The following PHACTR3 variants were observed in gnomAD, a reference collection of about 807,000 sequenced individuals.
PHACTR3 encodes the protein phosphatase and actin regulator 3, also known as protein phosphatase 1, regulatory subunit 123.
Under a neutral mutation model 66.8 loss-of-function variants are expected in PHACTR3, and 16 were observed. The observed-to-expected ratio is 0.24, with a 90% CI of 0.16 to 0.36. PHACTR3 has a LOEUF of 0.36. PHACTR3 is among the 10% of genes least tolerant of loss of function. The pLI is 1.00. For missense variants in PHACTR3, 647 were observed against 719.9 expected (o/e 0.90, Z 1.16); for synonymous variants, 323 against 292.1 (o/e 1.11, Z -1.08).
intron 1 of PHACTR3, among the ~76,000 whole-genome samples, chr20:59,621,853 T>A (rs2034251791): frequency 6.6e-6 from 1 of 152,178 alleles, no homozygotes; most frequent in African/African-American, 2.4e-5. Flanking sequence ...AATTTGTCTT[T>A]CCTCTTCCCT....
chr20:59,768,291 G>A (rs557127828), intron 5 of PHACTR3, among the ~76,000 whole-genome samples: 1 of 152,364 alleles, frequency 6.6e-6, no homozygotes, highest in East Asian at 1.9e-4. Flanking sequence ...AGCCTTGCGT[G>A]CTGTCTTTGA....
At chr20:59,633,859 A>G (rs1483221760) in intron 1 of PHACTR3, among the ~76,000 whole-genome samples, 1 of 152,208 alleles carries the variant, frequency 6.6e-6, no homozygotes, top group Non-Finnish European at 1.5e-5. Context: ...TTAATGGATA[A>G]CACAATTAAT....
In PHACTR3 at chr20:59,687,663, T is replaced by C. The variant is rs151118739; in HGVS notation, c.119-55444T>C. Among the ~76,000 whole-genome samples, 353 of 152,292 alleles carry C rather than the reference T, an allele frequency of 2.3e-3. 2 individuals carry two copies. The highest frequency in any genetic ancestry group is 8.1e-3 in the African/African-American group (336 of 41,552). ...TAAAAATTTTCAATCTGTTGCAAAC[T>C]GATAATTTCATTAATGTGTAGAGAA... On this transcript the variant is annotated intron_variant, in intron 1 of 12. Transcript: ENST00000371015.
intron 1 of PHACTR3, among the ~76,000 whole-genome samples, chr20:59,614,017 C>T (rs112174915): frequency 5.3e-4 from 81 of 152,208 alleles, no homozygotes; most frequent in African/African-American, 1.6e-3. Context: ...TCCTCTAAAC[C>T]CTTGAGGTAG....
At chr20:59,798,026 T>C (rs987943419) in intron 7 of PHACTR3, among the ~76,000 whole-genome samples, 3 of 152,212 alleles carry the variant, frequency 2.0e-5, no homozygotes, top group Admixed American at 2.0e-4. Flanking sequence ...TTATTCATGC[T>C]GCTATAACAA....
chr20:59,769,920 C>G (rs958289827), intron 5 of PHACTR3, among the ~76,000 whole-genome samples: 4 of 152,230 alleles, frequency 2.6e-5, no homozygotes, highest in Admixed American at 1.3e-4. Flanking sequence ...TTGTTATTGT[C>G]TTTGTGATAG....
intron 1 of PHACTR3, among the ~76,000 whole-genome samples, chr20:59,724,335 C>T (rs191831911): frequency 8.5e-5 from 13 of 152,276 alleles, no homozygotes; most frequent in African/African-American, 2.9e-4. Context: ...TAAACCACCA[C>T]GTGGAGGTTG....
intron 1 of PHACTR3, among the ~76,000 whole-genome samples, chr20:59,585,359 C>G (rs1474974224): frequency 6.6e-6 from 1 of 152,192 alleles, no homozygotes; most frequent in African/African-American, 2.4e-5. Context: ...GGGAGGGACT[C>G]TCAGATGCTT....
chr20:59,674,862 C>A (rs1398917802), intron 1 of PHACTR3, among the ~76,000 whole-genome samples: 1 of 100,984 alleles, frequency 9.9e-6, no homozygotes, highest in Admixed American at 1.0e-4. Context: ...CTCCTGTTGC[C>A]CCTTCTCCTG....
chr20:59,692,162 G>T (rs2037131426), intron 1 of PHACTR3, among the ~76,000 whole-genome samples: 1 of 152,202 alleles, frequency 6.6e-6, no homozygotes, highest in African/African-American at 2.4e-5. Flanking sequence ...GATCTTGTGG[G>T]GAAAATCTTA....
chr20:59,605,146 C>A lies in PHACTR3; in HGVS notation c.118+14C>A. 1 of 254,410 alleles carries A rather than the reference C, an allele frequency of 3.9e-6. No individual in the cohort carries two copies. Among genetic ancestry groups the A allele is most frequent in the Non-Finnish European group, 7.1e-6 (1 of 139,910 alleles). 15.8% of individuals were successfully genotyped at this position (254,410 alleles called of 1,614,324 possible). A position where few individuals can be genotyped will look rare whatever the true frequency, so the allele number is the denominator to read the frequency against. ...GGGAGAACCCAGGTAACGGGCTGGG[C>A]GGGGGCGGCGGGCGGGTCGGGGAGG... On this transcript the variant is annotated intron_variant, in intron 1 of 12. Transcript: ENST00000371015.
chr20:59,770,472 G>A (rs1163307977), intron 5 of PHACTR3, among the ~76,000 whole-genome samples: 3 of 152,200 alleles, frequency 2.0e-5, no homozygotes, highest in African/African-American at 4.8e-5. Flanking sequence ...TGGCCCAACT[G>A]AGTCTCCACC....
intron 1 of PHACTR3, among the ~76,000 whole-genome samples, chr20:59,634,776 G>A (rs79609072): frequency 0.015 from 2,220 of 152,320 alleles, 70 homozygotes; most frequent in African/African-American, 0.051. Flanking sequence ...CTAGGTCTGC[G>A]CCATGCCGCC....
chr20:59,605,860 G>GGGT (rs1600899628), intron 1 of PHACTR3, among the ~76,000 whole-genome samples: 1,959 of 15,134 alleles, frequency 0.13, 9 homozygotes, highest in Non-Finnish European at 0.19. Context: ...GGGGGAGGTG[G>GGGT]GGGGGGGGGT....
At chr20:59,663,660 A>G (rs1172519699) in intron 1 of PHACTR3, among the ~76,000 whole-genome samples, 1 of 152,182 alleles carries the variant, frequency 6.6e-6, no homozygotes, top group Non-Finnish European at 1.5e-5. Flanking sequence ...CTGACTGACG[A>G]TGCCGCGTGC....
At chr20:59,658,379 A>AT (rs2035695721) in intron 1 of PHACTR3, among the ~76,000 whole-genome samples, 3 of 151,272 alleles carry the variant, frequency 2.0e-5, no homozygotes, top group East Asian at 3.9e-4. Context: ...TACATACTAG[A>AT]TTTTTTTCAA....
intron 10 of PHACTR3, 93 bp downstream of exon 10, chr20:59,840,523 T>C: frequency 6.5e-7 from 1 of 1,539,772 alleles, no homozygotes; most frequent in Non-Finnish European, 8.8e-7. Context: ...TAGGTATCAC[T>C]CTGTGATCAT....
chr20:59,603,867 G>A (rs1344677773), upstream of PHACTR3: 1 of 153,118 alleles, frequency 6.5e-6, no homozygotes, highest in East Asian at 1.9e-4. Flanking sequence ...TGGGGAAGCA[G>A]CGGCTGCCTG....
chr20:59,716,206 T>TTGTGTGTGTGTG (rs201782505), intron 1 of PHACTR3, among the ~76,000 whole-genome samples: 1 of 128,576 alleles, frequency 7.8e-6, no homozygotes, highest in African/African-American at 3.0e-5. Flanking sequence ...CCTTCACCCT[T>TTGTGTGTGTGTG]TGTGTGTGTG....
Sources: gnomAD v4.1 joint callset for allele counts (sites outside exome capture counted in the v4.1 genomes callset) on GRCh38, gnomAD v4.1.1 for gene constraint, MANE v1.5 for transcripts, NCBI Gene and HGNC (gene_info 2026-07-23, HGNC 2026-07-21) for gene names.